Variants in CDK18 observed in about 807,000 individuals in gnomAD.
The protein encoded by CDK18 is cyclin dependent kinase 18.
Under a neutral mutation model 62.0 loss-of-function variants are expected in CDK18, and 52 were observed. That is an observed-to-expected ratio of 0.84 (90% CI 0.67 to 1.06). The LOEUF (loss-of-function observed/expected upper bound fraction) is 1.06. CDK18 is among the 50% of genes least tolerant of loss of function. CDK18 has a pLI of 0.00. For synonymous variants in CDK18, 237 were observed against 247.0 expected, an observed-to-expected ratio of 0.96 and a Z score of 0.38; for missense variants, 604 against 619.9, an observed-to-expected ratio of 0.97 and a Z score of 0.27.
chr1:205,523,366 C>T (rs574489048), intron 2 of CDK18, 69 bp downstream of exon 2: 36 of 1,605,724 alleles, frequency 2.2e-5, no homozygotes, highest in African/African-American at 6.7e-5. Context: ...TTCCCCTCCC[C>T]GCCCACCCCC....
intron 12 of CDK18, 27 bp downstream of exon 12, chr1:205,529,456 TG>T: frequency 1.2e-6 from 2 of 1,609,960 alleles, no homozygotes; most frequent in Non-Finnish European, 1.7e-6. Context: ...CCGCCCCTCC[TG>T]CTGCGGCCCT....
chr1:205,512,325 C>G (rs745388340), intron 1 of CDK18, among the ~76,000 whole-genome samples: 1 of 152,088 alleles, frequency 6.6e-6, no homozygotes, highest in African/African-American at 2.4e-5. Flanking sequence ...CCACCAGACC[C>G]GGGAGGAAGG....
chr1:205,529,463 G>A (rs1209693914), intron 12 of CDK18, 34 bp downstream of exon 12: 1 of 1,610,952 alleles, frequency 6.2e-7, no homozygotes. Context: ...TCCTGCTGCG[G>A]CCCTGGCTCT....
chr1:205,528,202 G>C lies in CDK18; in HGVS notation c.974+34G>C. 6.2e-7 allele frequency: 1 copy of C among 1,610,564 alleles called. No homozygotes were observed. The highest frequency in any genetic ancestry group is 8.5e-7 in the Non-Finnish European group (1 of 1,178,638). On this transcript the variant is annotated intron_variant, in intron 10 of 15. Coordinates refer to ENST00000429964, the MANE Select transcript of CDK18 (RefSeq NM_212502.3). This position sits in a 1 kb window ranked among gnomAD's most constrained non-coding sequence, Gnocchi z 4.2. ...GCACTGTGGGGACCGAGGAGGGGAG[G>C]ACAGGCCTGGCCACACCTCCAGACT...
At chr1:205,525,934 G>A (rs1668400365) in intron 5 of CDK18, 131 bp from the exon 6 acceptor site, 3 of 635,346 alleles carry the variant, frequency 4.7e-6, no homozygotes, top group Non-Finnish European at 8.5e-6. Flanking sequence ...GGAGGAAACA[G>A]CATGTCAGTA....
In CDK18 at chr1:205,530,635, C is replaced by T. The variant is rs1668692375; in HGVS notation, c.1320C>T (p.Ser440=). Residue 440 remains serine, a synonymous_variant, in exon 15 of 16, where the codon TCC becomes TCT. Coordinates refer to ENST00000429964, the MANE Select transcript of CDK18 (RefSeq NM_212502.3). ...TGCACTTCTCTCCCCCAGCTGCCTC[C>T]ATCTTCTCCCTGAAGGAGATCCAGC... is the stretch of plus-strand genomic sequence containing the variant. The part of the protein sequence containing the change: ...ERVHQLEDTA[S]IFSLKEIQLQ... The T allele has an allele frequency of 1.9e-6, 3 of 1,613,908 alleles. No homozygotes were observed. Among genetic ancestry groups the T allele is most frequent in the Non-Finnish European group, 2.5e-6 (3 of 1,179,986 alleles).
Position 205,527,979 on chromosome 1 carries a change from T to C in CDK18, c.853+62T>C. On this transcript the variant is annotated intron_variant, in intron 9 of 15. Coordinates refer to ENST00000429964, the MANE Select transcript of CDK18 (RefSeq NM_212502.3). This position sits in a 1 kb window ranked among gnomAD's most constrained non-coding sequence, Gnocchi z 4.1. Reference sequence around the variant, plus strand: ...GGGGTGCCTCAGGGTGTGGGTGCAGTGGGGGAGGGCATAGCAGTCAACCCC... The same window carrying C: ...GGGGTGCCTCAGGGTGTGGGTGCAGCGGGGGAGGGCATAGCAGTCAACCCC... 1.2e-6 allele frequency: 2 copies of C among 1,612,730 alleles called. No homozygotes were observed. The highest frequency in any genetic ancestry group is 1.3e-5 in the African/African-American group (1 of 74,922).
chr1:205,529,782 C>T lies in CDK18; in HGVS notation c.1221+219C>T, dbSNP rs770864179. On this transcript the variant is annotated intron_variant, in intron 13 of 15. Coordinates refer to ENST00000429964, the MANE Select transcript of CDK18 (RefSeq NM_212502.3). ...CCAAACCCGTTACTTAGCTGTGTAG[C>T]TCTGGGCAAGTTACAGAGCTCCTCC... The T allele has an allele frequency of 2.6e-5, 39 of 1,492,810 alleles. No homozygotes were observed. The African/African-American group carries it at 4.7e-4, about 18-fold the overall frequency. The allele number at this position is 1,492,810 out of a possible 1,614,324, so 92.5% of individuals were successfully genotyped here.
intron 1 of CDK18, among the ~76,000 whole-genome samples, chr1:205,511,389 T>C (rs1667559128): frequency 6.6e-6 from 1 of 152,214 alleles, no homozygotes; most frequent in Admixed American, 6.5e-5. Context: ...CTGTCTGGCC[T>C]CTTACAGAAA....
At chr1:205,523,353 A>C (rs752207911) in intron 2 of CDK18, 56 bp downstream of exon 2, 48 of 1,610,764 alleles carry the variant, frequency 3.0e-5, no homozygotes, top group Non-Finnish European at 1.1e-5. Context: ...CTCCCCAGTC[A>C]CCTTCCCCTC....
rs371259169 is a variant in CDK18, at chr1:205,525,181, G to T, written c.442G>T (p.Asp148Tyr). 4.8e-5 allele frequency: 77 copies of T among 1,610,498 alleles called. No homozygotes were observed. Among genetic ancestry groups the T allele is most frequent in the Middle Eastern group, 3.3e-4 (2 of 6,048 alleles). ...GAAACTGGAAACATACGTGAAACTG[G>T]ACAAACTGGGAGAGGTAAGACGCTG... is the stretch of plus-strand genomic sequence containing the variant. Reference protein sequence around the residue: ...FGKLETYVKLDKLGEGTYATV... With the variant: ...FGKLETYVKLYKLGEGTYATV... Residue 148 changes from aspartate (D) to tyrosine (Y), a missense_variant, in exon 5 of 16, where the codon GAC becomes TAC. Coordinates refer to ENST00000429964, the MANE Select transcript of CDK18 (RefSeq NM_212502.3).
chr1:205,513,149 A>G (rs1294393007), intron 1 of CDK18, among the ~76,000 whole-genome samples: 1 of 152,234 alleles, frequency 6.6e-6, no homozygotes, highest in Admixed American at 6.5e-5. Flanking sequence ...GACCTAAGGA[A>G]AGGTTCCAGA....
At position 205,531,410 on chromosome 1, in the gene CDK18, A is replaced by G. The variant is rs917302029; in HGVS notation, c.*32A>G. 1.9e-6 allele frequency: 3 copies of G among 1,606,112 alleles called. No individual in the cohort carries two copies. Among genetic ancestry groups the G allele is most frequent in the South Asian group, 1.1e-5 (1 of 90,926 alleles). On this transcript the variant is annotated 3_prime_UTR_variant, in exon 16 of 16. Coordinates refer to ENST00000429964, the MANE Select transcript of CDK18 (RefSeq NM_212502.3). ...CCCACCTTGCTGTGGCCAAGGGACA[A>G]GAGATCACATGGAGCACAAATTCGG...
chr1:205,512,380 A>AGGCCCAG (rs1156486157), intron 1 of CDK18, among the ~76,000 whole-genome samples: 2 of 152,246 alleles, frequency 1.3e-5, no homozygotes, highest in African/African-American at 4.8e-5. Flanking sequence ...GTGGAATCCG[A>AGGCCCAG]GGCCCAGGGC....
At position 205,510,683 on chromosome 1, in the gene CDK18, G is replaced by A. The variant is rs543549199; in HGVS notation, c.-22+5887G>A. Among the ~76,000 whole-genome samples, 12 of 152,382 alleles carry A rather than the reference G, an allele frequency of 7.9e-5. No individual in the cohort carries two copies. In the South Asian group the frequency reaches 2.5e-3, roughly 32 times the overall value. On this transcript the variant is annotated intron_variant, in intron 1 of 15. Coordinates refer to ENST00000429964, the MANE Select transcript of CDK18 (RefSeq NM_212502.3). The stretch of plus-strand genomic sequence containing the variant: ...CTTCCAACCCTGCACAAAGTCAGAA[G>A]CCCAAAGTGTGGTCCCAGCTCTGCC...
At chr1:205,508,108 G>A (rs1667400050) in intron 1 of CDK18, among the ~76,000 whole-genome samples, 2 of 152,194 alleles carry the variant, frequency 1.3e-5, no homozygotes. Flanking sequence ...TGTTGTTCAG[G>A]GTGAGTGGCT....
rs77571454 is a variant in CDK18 at position 205,531,350 on chromosome 1, G to A, written c.1397G>A (p.Gly466Glu). Residue 466 changes from glycine to glutamate, a missense_variant, in exon 16 of 16, where the codon GGG becomes GAG. Gly to Glu is a moderately conservative substitution (Grantham distance 98). Transcript: ENST00000429964. ...CCTCTTCTCCATTCTCCAGGACGAG[G>A]GAAGAACAGGCGGCAGAGCATCTTC... ...RGLAFQQPGR[G>E]KNRRQSIF 1,250 of 1,614,136 alleles carry A rather than the reference G, an allele frequency of 7.7e-4. 35 individuals are homozygous for A. The East Asian group carries it at 0.027, about 35-fold the overall frequency.
chr1:205,511,101 C>A (rs906377780), intron 1 of CDK18, among the ~76,000 whole-genome samples: 3 of 152,256 alleles, frequency 2.0e-5, no homozygotes. Context: ...GTTGGCAAAC[C>A]ATGGCTCTTG....
chr1:205,506,846 GGA>G (rs1227000452), intron 1 of CDK18, among the ~76,000 whole-genome samples: 2 of 152,208 alleles, frequency 1.3e-5, no homozygotes, highest in African/African-American at 4.8e-5. Flanking sequence ...ATGGGGCACA[GGA>G]GAGAGGGCAC....
Sources: allele counts gnomAD v4.1 joint callset (sites outside exome capture counted in the v4.1 genomes callset), GRCh38; gene constraint gnomAD v4.1.1; non-coding constraint Gnocchi (gnomAD v3.1); transcripts MANE v1.5; gene names NCBI Gene and HGNC (gene_info 2026-07-23, HGNC 2026-07-21).